Variants in RNF19B observed in about 807,000 individuals in gnomAD.
RNF19B encodes ring finger protein 19B.
In RNF19B, 23 loss-of-function variants were observed where a neutral mutation model predicts 65.5. The observed-to-expected ratio is 0.35, with a 90% confidence interval of 0.25 to 0.50. The LOEUF (loss-of-function observed/expected upper bound fraction) is 0.50, where lower values mean the gene tolerates loss of function less well. RNF19B is among the 20% of genes least tolerant of loss of function. RNF19B has a pLI of 0.98. For missense variants in RNF19B, 794 were observed against 980.0 expected (o/e 0.81, Z 2.53); for synonymous variants, 372 against 379.6 (o/e 0.98, Z 0.23).
At chr1:32,952,543 C>T (rs2124162601) in intron 1 of RNF19B, among the ~76,000 whole-genome samples, 1 of 151,218 alleles carries the variant, frequency 6.6e-6, no homozygotes, top group African/African-American at 2.4e-5. Context: ...GAGTTCGAGA[C>T]CAGCCTGGCC....
At chr1:32,948,553 G>A (rs1642420628) in intron 2 of RNF19B, among the ~76,000 whole-genome samples, 190 bp from the exon 3 acceptor site, 1 of 152,170 alleles carries the variant, frequency 6.6e-6, no homozygotes, top group Admixed American at 6.5e-5. Flanking sequence ...TTCATAAAAT[G>A]AATCCTGTCT....
rs1163164914 is a variant in RNF19B at position 32,964,254 on chromosome 1, G to C, written c.432C>G (p.Asp144Glu). 1 of 1,543,056 alleles carries C rather than the reference G, an allele frequency of 6.5e-7. No individual in the cohort carries two copies. The highest frequency in any genetic ancestry group is 8.7e-7 in the Non-Finnish European group (1 of 1,144,884). Residue 144 changes from aspartate (D) to glutamate (E), a missense_variant, in exon 1 of 9, where the codon GAC (aspartate) becomes GAG (glutamate). This residue lies in a region of RNF19B where 374 missense variants were observed against 423.8 expected (regional missense o/e 0.88). Coordinates refer to ENST00000235150, the MANE Select transcript of RNF19B (RefSeq NM_001300826.2). This position sits in a 1 kb window ranked among gnomAD's most constrained non-coding sequence, Gnocchi z 6.5. Reference sequence around the variant, plus strand: ...CCAGGCGCAGGTAGTGGCGGAGGCAGTCCCGGCACGAGCGGTGCGGACAGC... The same window carrying C: ...CCAGGCGCAGGTAGTGGCGGAGGCACTCCCGGCACGAGCGGTGCGGACAGC... ...LLSCPHRSCR[D>E]CLRHYLRLEI...
downstream of RNF19B, among the ~76,000 whole-genome samples, chr1:32,932,337 A>G (rs1209218285): frequency 6.6e-6 from 1 of 152,218 alleles, no homozygotes; most frequent in Non-Finnish European, 1.5e-5. Flanking sequence ...GGCTATTAGA[A>G]TGCAGTTAAA....
At chr1:32,954,369 A>G (rs1642584635) in intron 1 of RNF19B, among the ~76,000 whole-genome samples, 1 of 151,872 alleles carries the variant, frequency 6.6e-6, no homozygotes, top group African/African-American at 2.4e-5. Flanking sequence ...AGGGCACGAG[A>G]TTTGGCATTC....
chr1:32,934,730 T>C (rs1291205058), downstream of RNF19B, among the ~76,000 whole-genome samples: 1 of 152,186 alleles, frequency 6.6e-6, no homozygotes, highest in African/African-American at 2.4e-5. Flanking sequence ...GGCATGAAAC[T>C]GACTCATACA....
At chr1:32,956,210 C>CA (rs949422071) in intron 1 of RNF19B, among the ~76,000 whole-genome samples, 1 of 151,730 alleles carries the variant, frequency 6.6e-6, no homozygotes, top group Non-Finnish European at 1.5e-5. Flanking sequence ...ACTAAAAATA[C>CA]AAAAAAATTA....
At position 32,947,270 on chromosome 1, in the gene RNF19B, G is replaced by T. The variant is rs961601757; in HGVS notation, c.984-706C>A. Among the ~76,000 whole-genome samples, 28 of 152,314 alleles carry T rather than the reference G, an allele frequency of 1.8e-4. 1 individual carries two copies. The highest frequency in any genetic ancestry group is 1.4e-3 in the Admixed American group (22 of 15,292). The stretch of plus-strand genomic sequence containing the variant: ...AGGTGTTGTGTTTCATTTACACAAT[G>T]AATGTTTGTTTGTAAATATTAACAC... On this transcript the variant is annotated intron_variant, in intron 3 of 8. Coordinates refer to ENST00000235150, the MANE Select transcript of RNF19B (RefSeq NM_001300826.2).
rs1642132028 is a variant in RNF19B at position 32,937,369 on chromosome 1, G to GT, written c.1743-111dup. 7 of 1,500,508 alleles carry GT rather than the reference G, an allele frequency of 4.7e-6. No homozygotes were observed. The African/African-American group carries it at 9.6e-5, about 21-fold the overall frequency. The allele number at this position is 1,500,508 out of a possible 1,614,324, so 92.9% of individuals were successfully genotyped here. A position where few individuals can be genotyped will look rare whatever the true frequency, so the allele number is the denominator to read the frequency against. On this transcript the variant is annotated intron_variant, in intron 8 of 8. Transcript: ENST00000235150. ...GGAATTTCAAAAAGATAGGTGAACA[G>GT]TTAACTAGAGCTCACTTTTAACAAA...
intron 3 of RNF19B, among the ~76,000 whole-genome samples, chr1:32,947,475 A>G (rs927872292): frequency 2.0e-5 from 3 of 152,134 alleles, no homozygotes; most frequent in African/African-American, 7.2e-5. Flanking sequence ...GCTGGCTAAC[A>G]TGGTGAAACC....
chr1:32,958,897 G>T (rs1186007009), intron 1 of RNF19B, among the ~76,000 whole-genome samples: 1 of 152,276 alleles, frequency 6.6e-6, no homozygotes, highest in Middle Eastern at 3.4e-3. Context: ...GCAAATCTGA[G>T]ACAGATGTAT....
intron 6 of RNF19B, 83 bp from the exon 7 acceptor site, chr1:32,942,542 A>G: frequency 1.8e-6 from 2 of 1,140,044 alleles, no homozygotes; most frequent in Non-Finnish European, 2.6e-6. Context: ...GACTTTTCAG[A>G]GAACTAATGT....
Position 32,936,835 on chromosome 1 carries a change from T to A in RNF19B, c.2167A>T (p.Lys723Ter). ...ACTCTGGCTTCTCCACCTTCTGGCTTCAAGACAGTTTGTCCCTCGGCTAGG... is the reference window on the plus strand; with the variant it reads ...ACTCTGGCTTCTCCACCTTCTGGCTACAAGACAGTTTGTCCCTCGGCTAGG... ...SALAEGQTVL[K>*]PEGGEARV is the part of the protein sequence containing the mutation. The change falls in exon 9 of 9, where the codon AAG becomes TAG. Residue 723 changes from lysine (K) to a stop codon, truncating the protein, a stop_gained. Coordinates refer to ENST00000235150, the MANE Select transcript of RNF19B (RefSeq NM_001300826.2). LOFTEE classifies it high-confidence loss of function. The A allele has an allele frequency of 1.3e-6, 2 of 1,583,476 alleles. No homozygotes were observed. Among genetic ancestry groups the A allele is most frequent in the Non-Finnish European group, 1.7e-6 (2 of 1,161,170 alleles).
chr1:32,948,204 A>G lies in RNF19B; in HGVS notation c.983+18T>C. The G allele has an allele frequency of 6.2e-7, 1 of 1,612,262 alleles. No homozygotes were observed. The highest frequency in any genetic ancestry group is 8.5e-7 in the Non-Finnish European group (1 of 1,178,728). ...GAGAATGAGACTACGAAAGGAATGG[A>G]TGCATTTCCCATCTTACCTGAGGTA... On this transcript the variant is annotated intron_variant, in intron 3 of 8. Coordinates refer to ENST00000235150, the MANE Select transcript of RNF19B (RefSeq NM_001300826.2).
downstream of RNF19B, among the ~76,000 whole-genome samples, chr1:32,935,975 C>T (rs573219504): frequency 6.6e-5 from 10 of 152,184 alleles, no homozygotes; most frequent in Admixed American, 3.9e-4. Flanking sequence ...TCTCAAACAG[C>T]TGGCCTCAAA....
chr1:32,941,081 G>A (rs1239411900), intron 7 of RNF19B, among the ~76,000 whole-genome samples: 1 of 152,060 alleles, frequency 6.6e-6, no homozygotes, highest in African/African-American at 2.4e-5. Context: ...AATGTTAGCT[G>A]GGTGTGGTGT....
At chr1:32,948,625 A>T (rs1269234302) in intron 2 of RNF19B, among the ~76,000 whole-genome samples, 1 of 152,206 alleles carries the variant, frequency 6.6e-6, no homozygotes, top group Non-Finnish European at 1.5e-5. Flanking sequence ...ACATTCTAGC[A>T]AGGAGATTTC....
the RNF19B span, among the ~76,000 whole-genome samples, chr1:32,931,185 G>A: frequency 9.9e-5 from 15 of 152,080 alleles, no homozygotes; most frequent in African/African-American, 2.9e-4. Context: ...GAAAATAAAT[G>A]TATATTCCTA....
At chr1:32,939,334 C>G (rs758106831) in intron 7 of RNF19B, among the ~76,000 whole-genome samples, 4 of 152,088 alleles carry the variant, frequency 2.6e-5, no homozygotes, top group Non-Finnish European at 4.4e-5. Context: ...ATTATGGGTT[C>G]CCACCACCAC....
downstream of RNF19B, among the ~76,000 whole-genome samples, chr1:32,933,546 C>T (rs953053676): frequency 1.3e-5 from 2 of 152,180 alleles, no homozygotes; most frequent in Admixed American, 6.5e-5. Context: ...TGAGCCACCA[C>T]GCCCGGCCAA....
Sources: gnomAD v4.1 joint callset for allele counts (sites outside exome capture counted in the v4.1 genomes callset) on GRCh38, gnomAD v4.1.1 for gene constraint, gnomAD v4.1.1 regional missense constraint, Gnocchi (gnomAD v3.1) non-coding constraint, MANE v1.5 for transcripts, NCBI Gene and HGNC (gene_info 2026-07-23, HGNC 2026-07-21) for gene names.